The following STC2 variants were observed in gnomAD, a reference collection of about 807,000 sequenced individuals.
STC2 encodes the protein stanniocalcin 2.
In STC2, 7 loss-of-function variants were observed where a neutral mutation model predicts 22.7. That is an observed-to-expected ratio of 0.31 (90% CI 0.18 to 0.58). The LOEUF is 0.58. Among genes scored for constraint, STC2 ranks in the 20% least tolerant of loss-of-function variants. The pLI is 0.89. For missense variants in STC2, 336 were observed against 406.2 expected, an observed-to-expected ratio of 0.83 and a Z score of 1.48; for synonymous variants, 158 against 163.4, an observed-to-expected ratio of 0.97 and a Z score of 0.25.
In STC2 at chr5:173,325,618, C is replaced by T. The variant is rs1373051916; in HGVS notation, c.294+250G>A. Among the ~76,000 whole-genome samples the T allele has an allele frequency of 1.3e-5, 2 of 152,192 alleles. No individual in the cohort carries two copies. The highest frequency in any genetic ancestry group is 2.4e-5 in the African/African-American group (1 of 41,442). ...CTGAGTTCTGGGTGGCCAGACACAG[C>T]GTGTCCCCTTACAAGGTGTTTATCG... On this transcript the variant is annotated intron_variant, in intron 2 of 3. Coordinates refer to ENST00000265087, the MANE Select transcript of STC2 (RefSeq NM_003714.3). This position sits in a 1 kb window ranked among gnomAD's most constrained non-coding sequence, Gnocchi z 4.7.
In STC2 at chr5:173,325,812, G is replaced by A. The variant is rs371382926; in HGVS notation, c.294+56C>T. 1.1e-5 allele frequency: 18 copies of A among 1,607,074 alleles called. No individual in the cohort carries two copies. The highest frequency in any genetic ancestry group is 7.7e-5 in the South Asian group (7 of 90,820). ...TGGTTAACAAGGCTTTCCAATGAAC[G>A]TTTCAATCATGTATGCTCACCCCAA... is the stretch of plus-strand genomic sequence containing the variant. On this transcript the variant is annotated intron_variant, in intron 2 of 3. Transcript: ENST00000265087. The surrounding 1 kb of genome is among the most constrained non-coding windows in gnomAD (Gnocchi z 4.7).
chr5:173,323,455 G>C lies in STC2; in HGVS notation c.295-25C>G, dbSNP rs1240277580. On this transcript the variant is annotated intron_variant, in intron 2 of 3. Transcript: ENST00000265087. The surrounding 1 kb of genome is among the most constrained non-coding windows in gnomAD (Gnocchi z 5.4). ...CCTGAGAACACACAGGCCGGGGAAG[G>C]GAGAGAGGGGCAGAAAGCAGAAGAC... 1 of 1,579,714 alleles carries C rather than the reference G, an allele frequency of 6.3e-7. No individual in the cohort carries two copies. The highest frequency in any genetic ancestry group is 8.6e-7 in the Non-Finnish European group (1 of 1,159,748).
At chr5:173,324,641 G>A (rs773933740) in intron 2 of STC2, among the ~76,000 whole-genome samples, 1 of 152,218 alleles carries the variant, frequency 6.6e-6, no homozygotes, top group South Asian at 2.1e-4. Context: ...GTTATGTGCT[G>A]AGCATCAACT....
At chr5:173,327,361 A>G (rs3797456) in intron 1 of STC2, among the ~76,000 whole-genome samples, 29,068 of 152,268 alleles carry the variant, frequency 0.19, 2,905 homozygotes, top group East Asian at 0.26. Context: ...TCTGCTTTGC[A>G]GCTTGCCGGT....
In STC2 at chr5:173,325,922, G is replaced by A. The variant is rs1762540298; in HGVS notation, c.240C>T (p.Gly80=). The change falls in exon 2 of 4, where the codon GGC becomes GGT. Residue 80 remains glycine, a synonymous_variant. Transcript: ENST00000265087. The surrounding 1 kb of genome is among the most constrained non-coding windows in gnomAD (Gnocchi z 4.7). ...GAAAAGTCATGCAAATCCCATGTAA[G>A]CCCCGAATCTCACAAGAGTTGTTCT... is the stretch of plus-strand genomic sequence containing the variant. The part of the protein sequence containing the change: ...CFENNSCEIR[G]LHGICMTFLH... 2.5e-6 allele frequency: 4 copies of A among 1,614,180 alleles called. No individual in the cohort carries two copies. Among genetic ancestry groups the A allele is most frequent in the Non-Finnish European group, 3.4e-6 (4 of 1,180,048 alleles).
intron 3 of STC2, among the ~76,000 whole-genome samples, chr5:173,322,475 C>T (rs1452372029): frequency 6.6e-6 from 1 of 152,118 alleles, no homozygotes. Context: ...TTCACATTTC[C>T]TTGTTTTGGC....
chr5:173,318,289 A>G, intron 3 of STC2, 40 bp from the exon 4 acceptor site: 1 of 1,376,164 alleles, frequency 7.3e-7, no homozygotes, highest in Non-Finnish European at 9.4e-7. Flanking sequence ...AGAGAGAGAG[A>G]GAGAGAGAGA....
Position 173,323,545 on chromosome 5 carries a change from C to A in STC2, c.295-115G>T, listed in dbSNP as rs531875213. 2.5e-4 allele frequency: 247 copies of A among 1,001,988 alleles called. 1 individual carries two copies. In the African/African-American group the frequency reaches 3.2e-3, roughly 13 times the overall value. 62.1% of individuals were successfully genotyped at this position (1,001,988 alleles called of 1,614,324 possible). On this transcript the variant is annotated intron_variant, in intron 2 of 3. Transcript: ENST00000265087. This position sits in a 1 kb window ranked among gnomAD's most constrained non-coding sequence, Gnocchi z 5.4. ...ACACAGGATATTTCTGACATCAGAACCCCAAGGCCCCACCAGAGACGGACG... is the reference window on the plus strand; with the variant it reads ...ACACAGGATATTTCTGACATCAGAAACCCAAGGCCCCACCAGAGACGGACG...
intron 3 of STC2, among the ~76,000 whole-genome samples, chr5:173,320,290 G>A (rs754468923): frequency 6.6e-6 from 1 of 152,212 alleles, no homozygotes; most frequent in Non-Finnish European, 1.5e-5. Flanking sequence ...AGCCCAGGGC[G>A]GATCTGGATC....
chr5:173,324,723 C>T (rs967901768), intron 2 of STC2, among the ~76,000 whole-genome samples: 18 of 152,216 alleles, frequency 1.2e-4, no homozygotes, highest in Non-Finnish European at 1.5e-4. Flanking sequence ...TGAATTTATG[C>T]GAGGGCTGTG....
chr5:173,319,083 A>G (rs2053681), intron 3 of STC2, among the ~76,000 whole-genome samples: 74,870 of 151,996 alleles, frequency 0.49, 19,080 homozygotes, highest in Admixed American at 0.59. Flanking sequence ...GAGACAGCTC[A>G]CTGTGCAATG....
chr5:173,327,164 T>G (rs1762557994), intron 1 of STC2, among the ~76,000 whole-genome samples: 1 of 152,220 alleles, frequency 6.6e-6, no homozygotes, highest in Admixed American at 6.5e-5. Flanking sequence ...ATTCACTCAC[T>G]TGGGGCGTCC....
chr5:173,327,959 C>A, intron 1 of STC2, 84 bp downstream of exon 1: 1 of 1,382,388 alleles, frequency 7.2e-7, no homozygotes, highest in Non-Finnish European at 9.4e-7. Context: ...GCGCCTGGCT[C>A]CCGGCGAAAC....
At chr5:173,322,801 C>G (rs1762502517) in intron 3 of STC2, among the ~76,000 whole-genome samples, 1 of 152,152 alleles carries the variant, frequency 6.6e-6, no homozygotes, top group Non-Finnish European at 1.5e-5. Context: ...GTGAAAAATT[C>G]ACAAGGAGCC....
Position 173,328,336 on chromosome 5 carries a change from G to C in STC2, c.-143C>G. 1.1e-6 allele frequency: 1 copy of C among 947,150 alleles called. No homozygotes were observed. The highest frequency in any genetic ancestry group is 1.4e-6 in the Non-Finnish European group (1 of 691,810). The allele number at this position is 947,150 out of a possible 1,614,324, so 58.7% of individuals were successfully genotyped here. ...CCTTTTCCCTCCTCCTCGCGGCCGCGGCTCGGATAGAGGTTACCCAGCGCC... is the reference window on the plus strand; with the variant it reads ...CCTTTTCCCTCCTCCTCGCGGCCGCCGCTCGGATAGAGGTTACCCAGCGCC... On this transcript the variant is annotated 5_prime_UTR_variant, in exon 1 of 4. Coordinates refer to ENST00000265087, the MANE Select transcript of STC2 (RefSeq NM_003714.3).
At chr5:173,322,928 T>C (rs1762503785) in intron 3 of STC2, 1 of 436,046 alleles carries the variant, frequency 2.3e-6, no homozygotes, top group Non-Finnish European at 4.3e-6. Flanking sequence ...GGTTCTTGGC[T>C]AAGGGGAAGA....
In STC2 at chr5:173,323,322, A is replaced by G; in HGVS notation, c.403T>C (p.Leu135=). ...CPAIREMVSQ[L]QRECYLKHDL... is the part of the protein sequence containing the mutation. ...TGCTTGAGGTAGCATTCCCGCTGCAACTGGGACACCATTTCCCTGATGGCC... is the reference window on the plus strand; with the variant it reads ...TGCTTGAGGTAGCATTCCCGCTGCAGCTGGGACACCATTTCCCTGATGGCC... Residue 135 remains leucine, a synonymous_variant, in exon 3 of 4, where the codon TTG becomes CTG. Coordinates refer to ENST00000265087, the MANE Select transcript of STC2 (RefSeq NM_003714.3). The surrounding 1 kb of genome is among the most constrained non-coding windows in gnomAD (Gnocchi z 5.4). The G allele has an allele frequency of 1.9e-6, 3 of 1,614,206 alleles. No homozygotes were observed. Among genetic ancestry groups the G allele is most frequent in the East Asian group, 2.2e-5 (1 of 44,874 alleles).
In STC2 at chr5:173,326,102, A is replaced by C. The variant is rs10076093; in HGVS notation, c.152-92T>G. On this transcript the variant is annotated intron_variant, in intron 1 of 3. Coordinates refer to ENST00000265087, the MANE Select transcript of STC2 (RefSeq NM_003714.3). ...ATTTGAAATAAAAGTTAACAACTAA[A>C]GGAAAATTTAAGGAGGAAAAAAGAC... The C allele has an allele frequency of 2.1e-6, 3 of 1,444,082 alleles. No individual in the cohort carries two copies. The African/African-American group carries it at 4.2e-5, about 20-fold the overall frequency. 89.5% of individuals were successfully genotyped at this position (1,444,082 alleles called of 1,614,324 possible).
chr5:173,325,690 G>T lies in STC2; in HGVS notation c.294+178C>A. ...AGTCCACCCTGCCTGTGTAGACACA[G>T]CTTATGAGTGCAGAAGGGAGACACT... is the stretch of plus-strand genomic sequence containing the variant. On this transcript the variant is annotated intron_variant, in intron 2 of 3. Transcript: ENST00000265087. The surrounding 1 kb of genome is among the most constrained non-coding windows in gnomAD (Gnocchi z 4.7). 2 of 830,848 alleles carry T rather than the reference G, an allele frequency of 2.4e-6. No individual in the cohort carries two copies. The highest frequency in any genetic ancestry group is 3.4e-5 in the South Asian group (2 of 59,490). The allele number at this position is 830,848 out of a possible 1,614,324, so 51.5% of individuals were successfully genotyped here.
Sources: allele counts gnomAD v4.1 joint callset (sites outside exome capture counted in the v4.1 genomes callset), GRCh38; gene constraint gnomAD v4.1.1; non-coding constraint Gnocchi (gnomAD v3.1); transcripts MANE v1.5; gene names NCBI Gene and HGNC (gene_info 2026-07-23, HGNC 2026-07-21).